SH3D19: variants seen among roughly 807,000 people sequenced by gnomAD.
The protein encoded by SH3D19 is SH3 domain containing 19.
In SH3D19, 58 loss-of-function variants were observed where a neutral mutation model predicts 112.1. The observed-to-expected ratio is 0.52, with a 90% CI of 0.42 to 0.64. SH3D19 has a LOEUF of 0.64. Ranked by LOEUF, SH3D19 falls within the 30% of genes least tolerant of loss-of-function variation. The pLI, the probability that SH3D19 is intolerant of heterozygous loss-of-function variation, is 0.00. For missense variants in SH3D19, 1,090 were observed against 1,263.4 expected (o/e 0.86, Z 2.08); for synonymous variants, 391 against 448.5 (o/e 0.87, Z 1.62).
intron 1 of SH3D19, among the ~76,000 whole-genome samples, chr4:151,254,586 C>T (rs1013850239): frequency 4.0e-5 from 6 of 148,366 alleles, no homozygotes; most frequent in African/African-American, 1.5e-4. Context: ...GCCCTTAATC[C>T]ATTTAACCCT....
chr4:151,216,192 G>A (rs1248348375), intron 2 of SH3D19, among the ~76,000 whole-genome samples: 1 of 152,180 alleles, frequency 6.6e-6, no homozygotes, highest in East Asian at 1.9e-4. Context: ...TAATGAGACA[G>A]GAGGTGATTG....
intron 1 of SH3D19, among the ~76,000 whole-genome samples, chr4:151,260,674 A>G (rs1772308950): frequency 6.6e-6 from 1 of 152,182 alleles, no homozygotes; most frequent in Admixed American, 6.5e-5. Context: ...GGCACCTATA[A>G]TAAAACCCAA....
intron 1 of SH3D19, among the ~76,000 whole-genome samples, chr4:151,316,710 A>G (rs1423914841): frequency 2.0e-5 from 3 of 151,790 alleles, no homozygotes; most frequent in Non-Finnish European, 4.4e-5. Context: ...CACAGCTCCT[A>G]CCCTCACCCC....
At chr4:151,185,166 C>A (rs1481928766) in intron 3 of SH3D19, among the ~76,000 whole-genome samples, 1 of 149,304 alleles carries the variant, frequency 6.7e-6, no homozygotes, top group Non-Finnish European at 1.5e-5. Context: ...GATTGTGATT[C>A]CCTAACAAAA....
At chr4:151,271,947 T>C (rs1185978067) in intron 1 of SH3D19, among the ~76,000 whole-genome samples, 1 of 152,148 alleles carries the variant, frequency 6.6e-6, no homozygotes, top group Non-Finnish European at 1.5e-5. Flanking sequence ...AGGGTAATAA[T>C]CTGGGGACAG....
At chr4:151,251,400 A>G (rs1309845333) in intron 1 of SH3D19, among the ~76,000 whole-genome samples, 1 of 151,956 alleles carries the variant, frequency 6.6e-6, no homozygotes, top group African/African-American at 2.4e-5. Context: ...GGGTTTCACC[A>G]TGTTGGTCAG....
chr4:151,209,281 A>ATT (rs112135341), intron 2 of SH3D19, among the ~76,000 whole-genome samples: 3,534 of 143,250 alleles, frequency 0.025, 59 homozygotes, highest in South Asian at 0.04. Context: ...TCGAAAAAGT[A>ATT]TTTTTTTTTT....
Position 151,128,326 on chromosome 4 carries a change from C to T in SH3D19, c.2773G>A (p.Ala925Thr). The T allele has an allele frequency of 6.2e-7, 1 of 1,613,842 alleles. No homozygotes were observed. Among genetic ancestry groups the T allele is most frequent in the Non-Finnish European group, 8.5e-7 (1 of 1,179,874 alleles). ...VNSLPAEWCE[A>T]LHSFTAETSD... ...GTCTCTGCTGTAAAACTGTGAAGAG[C>T]TTCACACCATTCTGCCGGAAGACTG... Residue 925 changes from alanine to threonine, a missense_variant, in exon 18 of 20, where the codon GCT becomes ACT. By Grantham distance (58) the Ala-to-Thr change is moderately conservative (BLOSUM62 0). Transcript: ENST00000604030.
intron 2 of SH3D19, among the ~76,000 whole-genome samples, chr4:151,213,507 T>C (rs1192931921): frequency 6.6e-6 from 1 of 151,792 alleles, no homozygotes; most frequent in African/African-American, 2.4e-5. Context: ...TAGCCAGGCA[T>C]GGAGGCACAC....
chr4:151,199,978 AATGGGAT>A (rs779658733), intron 2 of SH3D19, among the ~76,000 whole-genome samples: 1 of 152,114 alleles, frequency 6.6e-6, no homozygotes, highest in Non-Finnish European at 1.5e-5. Flanking sequence ...AGCCCTCATG[AATGGGAT>A]TAATGTTCTC....
chr4:151,195,371 CAAAAAAAAAA>C (rs58618820), intron 2 of SH3D19, among the ~76,000 whole-genome samples: 4 of 66,772 alleles, frequency 6.0e-5, no homozygotes, highest in African/African-American at 2.9e-4. Context: ...GACTCTGTCT[CAAAAAAAAAA>C]AAAAAAAAAA....
intron 2 of SH3D19, among the ~76,000 whole-genome samples, chr4:151,224,808 A>G (rs1768720446): frequency 6.6e-6 from 1 of 152,178 alleles, no homozygotes; most frequent in African/African-American, 2.4e-5. Context: ...CAGCCTCCCA[A>G]GTAGCTGCGA....
At chr4:151,138,562 T>C (rs1288671583) in intron 13 of SH3D19, among the ~76,000 whole-genome samples, 1 of 150,352 alleles carries the variant, frequency 6.7e-6, no homozygotes, top group East Asian at 1.9e-4. Context: ...CCAGGTGTAG[T>C]GGCACCCCTG....
intron 1 of SH3D19, among the ~76,000 whole-genome samples, chr4:151,264,643 G>T (rs1357154819): frequency 6.6e-6 from 1 of 152,022 alleles, no homozygotes; most frequent in African/African-American, 2.4e-5. Flanking sequence ...AGTAGTCATG[G>T]ATTAAATTTT....
intron 1 of SH3D19, among the ~76,000 whole-genome samples, chr4:151,290,790 G>A (rs1288005513): frequency 1.3e-5 from 2 of 152,182 alleles, no homozygotes; most frequent in Non-Finnish European, 2.9e-5. Flanking sequence ...AACAAGAGCA[G>A]TAAGAACAGG....
In SH3D19 at chr4:151,143,991, C is replaced by T. The variant is rs764779251; in HGVS notation, c.2142G>A (p.Lys714=). 25 of 1,614,004 alleles carry T rather than the reference C, an allele frequency of 1.5e-5. No homozygotes were observed. The highest frequency in any genetic ancestry group is 2.2e-5 in the East Asian group (1 of 44,884). The change falls in exon 12 of 20, where the codon AAG becomes AAA. Residue 714 remains lysine, a synonymous_variant. Coordinates refer to ENST00000604030, the MANE Select transcript of SH3D19 (RefSeq NM_001378122.1). ...QTENNYLECQ[K]GEDTGRVHLS... is the part of the protein sequence containing the mutation. ...GGTGAACTCTGCCAGTGTCTTCTCC[C>T]TTTTGGCACTCCAAGTAATTATTTT...
At chr4:151,179,529 TAA>T (rs33920596) in intron 3 of SH3D19, 132 bp from the exon 4 acceptor site, 10 of 409,068 alleles carry the variant, frequency 2.4e-5, no homozygotes, top group Non-Finnish European at 4.2e-5. Context: ...TTAATATCCT[TAA>T]AAAAAAGTAA....
At chr4:151,311,111 A>G (rs1729412587) in intron 1 of SH3D19, among the ~76,000 whole-genome samples, 3 of 151,210 alleles carry the variant, frequency 2.0e-5, no homozygotes, top group African/African-American at 7.3e-5. Context: ...AGGGAGATAT[A>G]TATGTATGTA....
intron 1 of SH3D19, among the ~76,000 whole-genome samples, chr4:151,323,951 A>G (rs749025277): frequency 2.6e-5 from 4 of 152,206 alleles, no homozygotes; most frequent in Non-Finnish European, 5.9e-5. Flanking sequence ...GCATGGCGGT[A>G]TATCTTTGTA....
Sources: gnomAD v4.1 joint callset for allele counts (sites outside exome capture counted in the v4.1 genomes callset) on GRCh38, gnomAD v4.1.1 for gene constraint, MANE v1.5 for transcripts, NCBI Gene and HGNC (gene_info 2026-07-23, HGNC 2026-07-21) for gene names.